Variants in CATSPERB observed in about 807,000 individuals in gnomAD.
CATSPERB encodes the protein cation channel sperm-associated auxiliary subunit beta.
Under a neutral mutation model 128.3 loss-of-function variants are expected in CATSPERB, and 93 were observed. That is an observed-to-expected ratio of 0.72 (90% CI 0.61 to 0.86). The LOEUF is 0.86. CATSPERB is among the 40% of genes least tolerant of loss of function. The pLI is 0.00. For synonymous variants in CATSPERB, 381 were observed against 448.8 expected (o/e 0.85, Z 1.91); for missense variants, 1,153 against 1,329.5 (o/e 0.87, Z 2.06).
chr14:91,583,532 C>G (rs898927124), intron 26 of CATSPERB, among the ~76,000 whole-genome samples: 1 of 152,236 alleles, frequency 6.6e-6, no homozygotes, highest in Non-Finnish European at 1.5e-5. Flanking sequence ...CTCTAAAGTT[C>G]TGAAAAACAC....
At chr14:91,674,725 G>A (rs1895160038) in intron 11 of CATSPERB, among the ~76,000 whole-genome samples, 1 of 152,092 alleles carries the variant, frequency 6.6e-6, no homozygotes, top group African/African-American at 2.4e-5. Flanking sequence ...GGCTAATTTT[G>A]AAACAAATCA....
In CATSPERB at chr14:91,725,454, C is replaced by T. The variant is rs149113226; in HGVS notation, c.80-286G>A. Reference sequence around the variant, plus strand: ...AGACAAAAACCAGTTCTTGACACTTCAACGCCTCACCTTGAGGGTATAAAA... The same window carrying T: ...AGACAAAAACCAGTTCTTGACACTTTAACGCCTCACCTTGAGGGTATAAAA... On this transcript the variant is annotated intron_variant, in intron 2 of 26. Coordinates refer to ENST00000256343, the MANE Select transcript of CATSPERB (RefSeq NM_024764.4). Among the ~76,000 whole-genome samples, 28 of 152,324 alleles carry T rather than the reference C, an allele frequency of 1.8e-4. No homozygotes were observed. In the East Asian group the frequency reaches 3.5e-3, roughly 19 times the overall value.
At chr14:91,649,856 G>A (rs1252647461) in intron 15 of CATSPERB, among the ~76,000 whole-genome samples, 1 of 151,876 alleles carries the variant, frequency 6.6e-6, no homozygotes, top group East Asian at 1.9e-4. Flanking sequence ...GGTTCTGAGA[G>A]ACTCTCACTG....
rs1239174540 is a variant in CATSPERB at position 91,659,924 on chromosome 14, C to A, written c.1345G>T (p.Asp449Tyr). ...TFQLIANFHDDIIKKTFHSFY... is the reference protein window; with the variant it reads ...TFQLIANFHDYIIKKTFHSFY... ...CTATGAAAAGTCTTCTTTATGATAT[C>A]ATCATGAAAGTTAGCTATTAATTGA... Residue 449 changes from aspartate (D) to tyrosine (Y), a missense_variant, in exon 15 of 27, where the codon GAT (aspartate) becomes TAT (tyrosine). Coordinates refer to ENST00000256343, the MANE Select transcript of CATSPERB (RefSeq NM_024764.4). 3.1e-6 allele frequency: 5 copies of A among 1,602,230 alleles called. No homozygotes were observed. The highest frequency in any genetic ancestry group is 4.3e-6 in the Non-Finnish European group (5 of 1,176,154).
intron 26 of CATSPERB, among the ~76,000 whole-genome samples, chr14:91,584,454 C>A (rs1431558302): frequency 1.3e-5 from 2 of 152,164 alleles, no homozygotes; most frequent in Admixed American, 1.3e-4. Flanking sequence ...AATTCTTTTC[C>A]TTCATTAATG....
At chr14:91,582,898 T>C (rs1285045177) in intron 26 of CATSPERB, among the ~76,000 whole-genome samples, 2 of 152,176 alleles carry the variant, frequency 1.3e-5, no homozygotes, top group African/African-American at 4.8e-5. Flanking sequence ...GGGTACACAC[T>C]ACAACATAGT....
intron 7 of CATSPERB, among the ~76,000 whole-genome samples, chr14:91,696,281 C>A (rs1895560255): frequency 6.6e-6 from 1 of 152,062 alleles, no homozygotes; most frequent in African/African-American, 2.4e-5. Context: ...AAAAAGGAGC[C>A]CTCCTAGAAA....
chr14:91,724,958 T>A (rs1378499519), intron 3 of CATSPERB, 122 bp downstream of exon 3: 1 of 414,634 alleles, frequency 2.4e-6, no homozygotes, highest in Non-Finnish European at 4.3e-6. Flanking sequence ...TTATATAGAA[T>A]TTTCCCTCCC....
At chr14:91,715,599 G>C (rs1895925721) in intron 5 of CATSPERB, among the ~76,000 whole-genome samples, 1 of 146,620 alleles carries the variant, frequency 6.8e-6, no homozygotes, top group Non-Finnish European at 1.5e-5. Flanking sequence ...TCCCTAAACT[G>C]ATCTATAGAT....
chr14:91,611,783 G>A (rs1156830155), intron 20 of CATSPERB, among the ~76,000 whole-genome samples: 1 of 152,080 alleles, frequency 6.6e-6, no homozygotes, highest in African/African-American at 2.4e-5. Context: ...CCTATGTGAG[G>A]TATTTATTCC....
chr14:91,665,108 G>A (rs561221664), intron 14 of CATSPERB, among the ~76,000 whole-genome samples: 5 of 152,136 alleles, frequency 3.3e-5, no homozygotes, highest in South Asian at 4.1e-4. Flanking sequence ...GCCCAAGCTC[G>A]TCGCGAACTC....
At chr14:91,703,479 A>G (rs1308033750) in intron 7 of CATSPERB, among the ~76,000 whole-genome samples, 2 of 152,024 alleles carry the variant, frequency 1.3e-5, no homozygotes, top group Non-Finnish European at 2.9e-5. Context: ...CTCCTGACAG[A>G]CTCCCAGATA....
chr14:91,690,698 C>T (rs1005687287), intron 10 of CATSPERB, among the ~76,000 whole-genome samples: 4 of 152,226 alleles, frequency 2.6e-5, no homozygotes, highest in African/African-American at 9.6e-5. Context: ...GTTCTATTTG[C>T]TTCCTGAGAA....
intron 5 of CATSPERB, among the ~76,000 whole-genome samples, chr14:91,714,571 T>TA (rs1361736936): frequency 1.4e-4 from 21 of 148,206 alleles, no homozygotes; most frequent in African/African-American, 5.0e-4. Context: ...TTTTTTTTTT[T>TA]TTTTTTGAGA....
At chr14:91,581,175 G>T in intron 26 of CATSPERB, 68 bp from the exon 27 acceptor site, 2 of 1,277,230 alleles carry the variant, frequency 1.6e-6, no homozygotes, top group East Asian at 2.5e-5. Context: ...AAAATTTAAT[G>T]TTCCCCACAA....
chr14:91,664,259 CTTT>C (rs750623098), intron 14 of CATSPERB, among the ~76,000 whole-genome samples: 47,844 of 116,110 alleles, frequency 0.41, 9,361 homozygotes, highest in Middle Eastern at 0.54. Flanking sequence ...TCTTCCATGT[CTTT>C]TTTTTTTTTT....
At chr14:91,678,893 T>G (rs6575209) in intron 11 of CATSPERB, among the ~76,000 whole-genome samples, 1 of 152,174 alleles carries the variant, frequency 6.6e-6, no homozygotes, top group African/African-American at 2.4e-5. Context: ...AAAATGCCCA[T>G]GTGTTTAACT....
intron 3 of CATSPERB, among the ~76,000 whole-genome samples, chr14:91,723,722 T>C (rs1896070906): frequency 6.6e-6 from 1 of 152,096 alleles, no homozygotes; most frequent in Non-Finnish European, 1.5e-5. Flanking sequence ...ATCTAAAAAA[T>C]GGGGAAATAC....
chr14:91,603,481 TTA>T, intron 22 of CATSPERB: 1 of 1,263,310 alleles, frequency 7.9e-7, no homozygotes, highest in Non-Finnish European at 1.2e-6. Flanking sequence ...TCCCTAAGTC[TTA>T]AAGTGTGGGC....
Sources: gnomAD v4.1 joint callset for allele counts (sites outside exome capture counted in the v4.1 genomes callset) on GRCh38, gnomAD v4.1.1 for gene constraint, MANE v1.5 for transcripts, NCBI Gene and HGNC (gene_info 2026-07-23, HGNC 2026-07-21) for gene names.